The following MYO5A variants were observed in gnomAD, a reference collection of about 807,000 sequenced individuals.
MYO5A encodes the protein myosin VA.
A neutral mutation model predicts 249.7 loss-of-function variants in MYO5A; 98 were observed. The observed-to-expected ratio is 0.39, with a 90% confidence interval of 0.33 to 0.46. The LOEUF (loss-of-function observed/expected upper bound fraction) is 0.46, where lower values mean the gene tolerates loss of function less well. Among genes scored for constraint, MYO5A ranks in the 20% least tolerant of loss-of-function variants. The pLI is 0.98. For missense variants in MYO5A, 1,696 were observed against 2,308.8 expected (o/e 0.73, Z 5.44); for synonymous variants, 778 against 810.6 (o/e 0.96, Z 0.68).
chr15:52,486,358 C>T (rs1187020717), intron 1 of MYO5A, among the ~76,000 whole-genome samples: 1 of 152,210 alleles, frequency 6.6e-6, no homozygotes, highest in Non-Finnish European at 1.5e-5. Flanking sequence ...GTAGCTTGGT[C>T]AAGATGACAT....
At chr15:52,498,522 A>G (rs2077088361) in intron 1 of MYO5A, among the ~76,000 whole-genome samples, 2 of 152,208 alleles carry the variant, frequency 1.3e-5, no homozygotes, top group South Asian at 2.1e-4. Flanking sequence ...TGGTTAAAAA[A>G]AAACCTCTTC....
chr15:52,393,922 C>T (rs116454049), intron 11 of MYO5A, among the ~76,000 whole-genome samples: 1,582 of 152,250 alleles, frequency 0.01, 24 homozygotes, highest in African/African-American at 0.037. Context: ...TATATGTAGT[C>T]TCAATATTGA....
At chr15:52,525,753 T>G (rs1405330805) in intron 1 of MYO5A, among the ~76,000 whole-genome samples, 1 of 152,204 alleles carries the variant, frequency 6.6e-6, no homozygotes, top group Admixed American at 6.5e-5. Flanking sequence ...GTAATTACAA[T>G]AGTAGTTTTT....
Position 52,427,575 on chromosome 15 carries a change from G to C in MYO5A, c.310+823C>G, listed in dbSNP as rs556848273. ...CAGAAATAGTTACCAGAAAGGAAAAGTTAGTATCAATGATATAAAGGATGT... is the reference window on the plus strand; with the variant it reads ...CAGAAATAGTTACCAGAAAGGAAAACTTAGTATCAATGATATAAAGGATGT... On this transcript the variant is annotated intron_variant, in intron 3 of 41. Transcript: ENST00000399233. 1.7e-4 allele frequency among the ~76,000 whole-genome samples: 26 copies of C among 152,224 alleles called. 1 individual carries two copies. Among genetic ancestry groups the C allele is most frequent in the Admixed American group, 1.3e-3 (20 of 15,292 alleles).
intron 1 of MYO5A, among the ~76,000 whole-genome samples, chr15:52,459,174 TAGTATTTATTGATCA>T: frequency 7.6e-6 from 1 of 131,234 alleles, no homozygotes. Flanking sequence ...TTTTTTTTTT[TAGTATTTATTGATCA>T]TTCTTGGGTG....
chr15:52,405,774 C>T (rs577836706), intron 8 of MYO5A, among the ~76,000 whole-genome samples: 1 of 152,312 alleles, frequency 6.6e-6, no homozygotes, highest in South Asian at 2.1e-4. Flanking sequence ...ATACTTAATA[C>T]ACGACATGAC....
intron 12 of MYO5A, among the ~76,000 whole-genome samples, chr15:52,390,629 G>A (rs1457128181): frequency 1.4e-5 from 2 of 144,240 alleles, no homozygotes; most frequent in Non-Finnish European, 3.0e-5. Context: ...GCACAATCTC[G>A]GCTCACTGCA....
chr15:52,473,986 A>G (rs545857281), intron 1 of MYO5A, among the ~76,000 whole-genome samples: 4 of 152,248 alleles, frequency 2.6e-5, no homozygotes, highest in Non-Finnish European at 4.4e-5. Flanking sequence ...CTTGGGCAGT[A>G]TGGCCATTTT....
chr15:52,372,912 G>C (rs1160443426), intron 20 of MYO5A, among the ~76,000 whole-genome samples: 3 of 151,826 alleles, frequency 2.0e-5, no homozygotes, highest in Non-Finnish European at 4.4e-5. Context: ...ACTGTCTGTA[G>C]AGGCCAACAC....
chr15:52,405,051 TCACACACA>T lies in MYO5A; in HGVS notation c.1053+228_1053+235del, dbSNP rs58764245. 4.9e-3 allele frequency among the ~76,000 whole-genome samples: 687 copies of T among 140,260 alleles called. 4 individuals carry two copies. The highest frequency in any genetic ancestry group is 7.6e-3 in the Middle Eastern group (2 of 264). 92.0% of individuals were successfully genotyped at this position (140,260 alleles called of 152,430 possible). A position where few individuals can be genotyped will look rare whatever the true frequency, so the allele number is the denominator to read the frequency against. ...CCCTCTCTCTTTCTCTCTCTCTCTG[TCACACACA>T]CACACACACACACACACACACACAC... is the stretch of plus-strand genomic sequence containing the variant. On this transcript the variant is annotated intron_variant, in intron 9 of 41. Coordinates refer to ENST00000399233, the MANE Select transcript of MYO5A (RefSeq NM_001382347.1).
In MYO5A at chr15:52,383,061, T is replaced by G. The variant is rs769699416; in HGVS notation, c.2012+30A>C. ...TTGGCACTTCTTATAAGATATGTAC[T>G]TTTTCACTGGGTGGTTCAGAAATAC... On this transcript the variant is annotated intron_variant, in intron 16 of 41. Transcript: ENST00000399233. 10 of 1,545,000 alleles carry G rather than the reference T, an allele frequency of 6.5e-6. No homozygotes were observed. The South Asian group carries it at 1.1e-4, about 17-fold the overall frequency.
At chr15:52,485,605 TTAAG>T (rs1247185854) in intron 1 of MYO5A, among the ~76,000 whole-genome samples, 21 of 152,300 alleles carry the variant, frequency 1.4e-4, no homozygotes, top group Admixed American at 8.5e-4. Flanking sequence ...AAAAAAAAGA[TTAAG>T]TAACCTCTTG....
chr15:52,389,446 A>AT (rs71425744), intron 12 of MYO5A, 83 bp from the exon 13 acceptor site: 13,583 of 1,019,420 alleles, frequency 0.013, 1 homozygote, highest in East Asian at 0.046. Flanking sequence ...AAGATCTTTT[A>AT]TTTTTTTTTT....
chr15:52,423,514 T>C lies in MYO5A; in HGVS notation c.455+2316A>G, dbSNP rs897987389. Among the ~76,000 whole-genome samples, 6 of 150,264 alleles carry C rather than the reference T, an allele frequency of 4.0e-5. 1 individual carries two copies. Among genetic ancestry groups the C allele is most frequent in the African/African-American group, 4.9e-5 (2 of 40,598 alleles). ...TTGCAGTGAGCTGAGATTGCGCCAC[T>C]GCACTCCAGCTTGGGTGACAGGGCA... On this transcript the variant is annotated intron_variant, in intron 4 of 41. Coordinates refer to ENST00000399233, the MANE Select transcript of MYO5A (RefSeq NM_001382347.1).
intron 1 of MYO5A, among the ~76,000 whole-genome samples, chr15:52,488,960 T>C (rs1473046801): frequency 6.6e-6 from 1 of 152,180 alleles, no homozygotes. Context: ...ATAGCAAGAT[T>C]TCCACAGCAA....
intron 22 of MYO5A, among the ~76,000 whole-genome samples, chr15:52,369,867 GA>G (rs1471249906): frequency 8.8e-6 from 1 of 113,172 alleles, no homozygotes; most frequent in Non-Finnish European, 1.7e-5. Context: ...GCCCCAGACT[GA>G]CTTTTTTTTT....
intron 24 of MYO5A, among the ~76,000 whole-genome samples, chr15:52,363,798 T>C (rs2040663083): frequency 1.3e-5 from 2 of 152,218 alleles, no homozygotes; most frequent in African/African-American, 4.8e-5. Flanking sequence ...GTATGAAAGG[T>C]ACATTGGCAA....
intron 18 of MYO5A, among the ~76,000 whole-genome samples, chr15:52,378,511 G>A (rs1173506893): frequency 2.8e-4 from 1 of 3,574 alleles, no homozygotes; most frequent in Non-Finnish European, 0.017. Context: ...GAGCAAGACT[G>A]TCTCAAAAAA....
intron 33 of MYO5A, 128 bp from the exon 34 acceptor site, chr15:52,336,684 A>G: frequency 1.4e-6 from 1 of 718,218 alleles, no homozygotes; most frequent in Non-Finnish European, 2.3e-6. Flanking sequence ...TGGTGGAGCC[A>G]CCACCTGGCT....
Sources: gnomAD v4.1 joint callset for allele counts (sites outside exome capture counted in the v4.1 genomes callset) on GRCh38, gnomAD v4.1.1 for gene constraint, MANE v1.5 for transcripts, NCBI Gene and HGNC (gene_info 2026-07-23, HGNC 2026-07-21) for gene names.